The following PPARGC1A variants were observed in gnomAD, a reference collection of about 807,000 sequenced individuals.
PPARGC1A encodes the protein peroxisome proliferator-activated receptor gamma coactivator 1-alpha.
A neutral mutation model predicts 88.7 loss-of-function variants in PPARGC1A; 25 were observed. The ratio of observed to expected loss-of-function variants is 0.28; its 90% confidence interval spans 0.21 to 0.39. The LOEUF is 0.39. PPARGC1A is among the 10% of genes least tolerant of loss of function. The pLI is 1.00. For missense variants in PPARGC1A, 880 were observed against 968.7 expected, an observed-to-expected ratio of 0.91 and a Z score of 1.22; for synonymous variants, 363 against 355.6, an observed-to-expected ratio of 1.02 and a Z score of -0.24.
At chr4:24,068,634 T>C in the PPARGC1A span, among the ~76,000 whole-genome samples, 41 of 152,228 alleles carry the variant, frequency 2.7e-4, no homozygotes, top group African/African-American at 9.9e-4. Flanking sequence ...TTGTGGAAGG[T>C]GTTGGTGTCA....
intron 2 of PPARGC1A, among the ~76,000 whole-genome samples, chr4:23,837,544 C>A (rs987907922): frequency 6.6e-6 from 1 of 152,078 alleles, no homozygotes; most frequent in African/African-American, 2.4e-5. Context: ...GGGCCAACTC[C>A]CCCCAAATAC....
chr4:23,949,716 T>G, the PPARGC1A span, among the ~76,000 whole-genome samples: 1 of 152,114 alleles, frequency 6.6e-6, no homozygotes, highest in South Asian at 2.1e-4. Flanking sequence ...GCCACAAGGT[T>G]CAATGACACA....
intron 2 of PPARGC1A, among the ~76,000 whole-genome samples, chr4:23,845,340 C>A (rs930505295): frequency 1.3e-5 from 2 of 152,066 alleles, no homozygotes; most frequent in Admixed American, 6.6e-5. Flanking sequence ...GAGGTCAATG[C>A]TATTTGTTCA....
the PPARGC1A span, among the ~76,000 whole-genome samples, chr4:24,102,831 C>G: frequency 6.6e-6 from 1 of 152,152 alleles, no homozygotes; most frequent in Non-Finnish European, 1.5e-5. Context: ...AGCACAGATA[C>G]AACACTTGTA....
chr4:24,250,705 A>G, the PPARGC1A span, among the ~76,000 whole-genome samples: 1 of 152,226 alleles, frequency 6.6e-6, no homozygotes, highest in Non-Finnish European at 1.5e-5. Flanking sequence ...CTGGCCATTC[A>G]GAAGTCCAGG....
the PPARGC1A span, among the ~76,000 whole-genome samples, chr4:24,416,779 C>T: frequency 6.6e-6 from 1 of 152,092 alleles, no homozygotes; most frequent in South Asian, 2.1e-4. Context: ...GCCTGTAATC[C>T]CGGCACTTTT....
the PPARGC1A span, among the ~76,000 whole-genome samples, chr4:24,081,233 A>G: frequency 6.6e-6 from 1 of 152,244 alleles, no homozygotes; most frequent in Middle Eastern, 3.4e-3. Context: ...TCAGTTTCCA[A>G]AATTTCTCAA....
At chr4:24,198,385 G>GCTCCA in the PPARGC1A span, among the ~76,000 whole-genome samples, 2 of 152,088 alleles carry the variant, frequency 1.3e-5, no homozygotes, top group South Asian at 4.1e-4. Flanking sequence ...TTGGCTTACA[G>GCTCCA]GGTCGCTGCT....
the PPARGC1A span, among the ~76,000 whole-genome samples, chr4:24,425,493 T>C: frequency 6.6e-6 from 1 of 152,196 alleles, no homozygotes; most frequent in Non-Finnish European, 1.5e-5. Context: ...TTTAGACAAG[T>C]ATAATAATTA....
the PPARGC1A span, among the ~76,000 whole-genome samples, chr4:23,935,506 G>A: frequency 6.6e-6 from 1 of 152,042 alleles, no homozygotes; most frequent in Non-Finnish European, 1.5e-5. Flanking sequence ...TTTTGTATCA[G>A]GCCCCCTACT....
chr4:24,298,971 TTC>T, the PPARGC1A span, among the ~76,000 whole-genome samples: 1 of 152,188 alleles, frequency 6.6e-6, no homozygotes, highest in African/African-American at 2.4e-5. Flanking sequence ...ACAACTCCTC[TTC>T]CTACAGCAAT....
At chr4:24,332,567 TATC>T in the PPARGC1A span, among the ~76,000 whole-genome samples, 1 of 152,246 alleles carries the variant, frequency 6.6e-6, no homozygotes, top group Non-Finnish European at 1.5e-5. Flanking sequence ...TCTTATCACT[TATC>T]ATTTCAATAT....
At chr4:24,471,002 G>T in the PPARGC1A span, among the ~76,000 whole-genome samples, 1 of 151,366 alleles carries the variant, frequency 6.6e-6, no homozygotes, top group Non-Finnish European at 1.5e-5. The surrounding 1 kb of genome is among the most constrained non-coding windows in gnomAD (Gnocchi z 5.4). Flanking sequence ...GCAGGAACGC[G>T]CTGCGCCCCG....
chr4:24,125,627 C>T, the PPARGC1A span, among the ~76,000 whole-genome samples: 2 of 152,076 alleles, frequency 1.3e-5, no homozygotes, highest in African/African-American at 2.4e-5. Context: ...ATTATCTTTA[C>T]AAGAGAGATC....
chr4:23,936,067 G>A, the PPARGC1A span, among the ~76,000 whole-genome samples: 3 of 151,970 alleles, frequency 2.0e-5, no homozygotes, highest in Admixed American at 2.0e-4. Context: ...TATGTACATC[G>A]AGGAAAAAAG....
the PPARGC1A span, among the ~76,000 whole-genome samples, chr4:24,221,080 T>C: frequency 6.6e-6 from 1 of 152,216 alleles, no homozygotes; most frequent in Non-Finnish European, 1.5e-5. Context: ...TAATTCATTC[T>C]ACTTTTTAGA....
At chr4:24,093,113 G>A in the PPARGC1A span, among the ~76,000 whole-genome samples, 4 of 152,130 alleles carry the variant, frequency 2.6e-5, no homozygotes, top group Non-Finnish European at 4.4e-5. Flanking sequence ...ATTCTATGAG[G>A]TTATTATTAT....
At chr4:24,470,954 C>T in the PPARGC1A span, among the ~76,000 whole-genome samples, 2 of 151,646 alleles carry the variant, frequency 1.3e-5, no homozygotes, top group Non-Finnish European at 2.9e-5. The surrounding 1 kb of genome is among the most constrained non-coding windows in gnomAD (Gnocchi z 5.8). Flanking sequence ...GAACATTTTT[C>T]GGTTGCTTTC....
At chr4:23,818,967 G>A (rs2109531894) in intron 7 of PPARGC1A, among the ~76,000 whole-genome samples, 1 of 145,310 alleles carries the variant, frequency 6.9e-6, no homozygotes. Context: ...GCCAATTCAG[G>A]TATTTAAGAA....
Sources: allele counts gnomAD v4.1 joint callset (sites outside exome capture counted in the v4.1 genomes callset), GRCh38; gene constraint gnomAD v4.1.1; non-coding constraint Gnocchi (gnomAD v3.1); transcripts MANE v1.5; gene names NCBI Gene and HGNC (gene_info 2026-07-23, HGNC 2026-07-21).